The following ASPRV1 variants were observed in gnomAD, a reference collection of about 807,000 sequenced individuals.
ASPRV1 encodes the protein retroviral-like aspartic protease 1.
A neutral mutation model predicts 11.0 loss-of-function variants in ASPRV1; 7 were observed. The ratio of observed to expected loss-of-function variants is 0.64; its 90% CI spans 0.36 to 1.20. The LOEUF is 1.20. Among genes scored for constraint, ASPRV1 ranks in the 50% most tolerant of loss-of-function variants. The pLI, the probability that ASPRV1 is intolerant of heterozygous loss-of-function variation, is 0.02. For synonymous variants in ASPRV1, 136 were observed against 138.4 expected, an observed-to-expected ratio of 0.98 and a Z score of 0.12; for missense variants, 299 against 320.0, an observed-to-expected ratio of 0.93 and a Z score of 0.50.
the ASPRV1 span, among the ~76,000 whole-genome samples, chr2:69,949,970 C>T: frequency 6.6e-6 from 1 of 152,060 alleles, no homozygotes; most frequent in Non-Finnish European, 1.5e-5. Flanking sequence ...CGTCTGCCAC[C>T]GTACCAAGCT....
At chr2:69,946,546 A>G in the ASPRV1 span, among the ~76,000 whole-genome samples, 8 of 152,232 alleles carry the variant, frequency 5.3e-5, no homozygotes, top group African/African-American at 1.9e-4. Flanking sequence ...TTCAGTACAT[A>G]TGAGCAATTA....
At chr2:70,009,352 T>C in the ASPRV1 span, among the ~76,000 whole-genome samples, 2 of 150,960 alleles carry the variant, frequency 1.3e-5, no homozygotes, top group African/African-American at 4.9e-5. Context: ...ATTTTAGAGA[T>C]GGAGTCTTGC....
At chr2:70,074,090 C>G in the ASPRV1 span, among the ~76,000 whole-genome samples, 1 of 136,212 alleles carries the variant, frequency 7.3e-6, no homozygotes, top group African/African-American at 2.8e-5. Flanking sequence ...GCCGAGATCT[C>G]GCCACTGCAC....
the ASPRV1 span, among the ~76,000 whole-genome samples, chr2:69,937,586 A>C: frequency 6.6e-6 from 1 of 152,118 alleles, no homozygotes; most frequent in Admixed American, 6.5e-5. Context: ...ACCCCAGAAG[A>C]GTTTGATTGG....
chr2:69,970,183 C>T, the ASPRV1 span, among the ~76,000 whole-genome samples: 3 of 152,136 alleles, frequency 2.0e-5, no homozygotes, highest in Non-Finnish European at 2.9e-5. Context: ...GAGTCTCTCT[C>T]CTGCCTCCAT....
chr2:70,084,737 T>C, the ASPRV1 span, among the ~76,000 whole-genome samples: 1 of 152,198 alleles, frequency 6.6e-6, no homozygotes. Flanking sequence ...TCTTAAATCA[T>C]AATGTAAAAT....
At chr2:70,076,250 G>A in the ASPRV1 span, among the ~76,000 whole-genome samples, 1 of 152,170 alleles carries the variant, frequency 6.6e-6, no homozygotes, top group African/African-American at 2.4e-5. Context: ...AACCTACTAA[G>A]GTGATGCAGC....
At chr2:69,954,517 A>T in the ASPRV1 span, among the ~76,000 whole-genome samples, 2 of 152,194 alleles carry the variant, frequency 1.3e-5, no homozygotes, top group Non-Finnish European at 2.9e-5. Context: ...TAGAGCTGAA[A>T]TAAAAGCAGC....
the ASPRV1 span, among the ~76,000 whole-genome samples, chr2:70,032,942 G>A: frequency 6.6e-6 from 1 of 152,080 alleles, no homozygotes; most frequent in Non-Finnish European, 1.5e-5. Flanking sequence ...AGCATACACA[G>A]AGCAGGATCT....
chr2:70,039,930 C>T, the ASPRV1 span, among the ~76,000 whole-genome samples: 36,867 of 152,088 alleles, frequency 0.24, 8,141 homozygotes, highest in African/African-American at 0.56. Flanking sequence ...CAAATGACGC[C>T]AGACAGTGAT....
the ASPRV1 span, among the ~76,000 whole-genome samples, chr2:70,062,550 G>A: frequency 6.6e-6 from 1 of 152,156 alleles, no homozygotes; most frequent in Non-Finnish European, 1.5e-5. Context: ...AATGAAGAAA[G>A]GCCCTTACTT....
chr2:69,937,221 C>G, the ASPRV1 span: 1 of 1,612,380 alleles, frequency 6.2e-7, no homozygotes, highest in Admixed American at 1.7e-5. Flanking sequence ...AACAACTACC[C>G]CTTTGACTTG....
At chr2:70,066,747 A>C in the ASPRV1 span, among the ~76,000 whole-genome samples, 1 of 151,950 alleles carries the variant, frequency 6.6e-6, no homozygotes, top group African/African-American at 2.4e-5. Flanking sequence ...ACAGATGTTC[A>C]CCAGCACCAC....
At chr2:69,942,888 A>ATG in the ASPRV1 span, 1 of 152,362 alleles carries the variant, frequency 6.6e-6, no homozygotes, top group South Asian at 2.1e-4. Context: ...TGCTGTGTAT[A>ATG]TGTAAACTGT....
chr2:70,055,286 C>A, the ASPRV1 span, among the ~76,000 whole-genome samples: 1 of 151,958 alleles, frequency 6.6e-6, no homozygotes, highest in African/African-American at 2.4e-5. Context: ...TGCCACTGGG[C>A]GACAGAGCAA....
At chr2:69,956,479 A>AAGAAGAAGAAGAAGAAG (rs1558579534), downstream of ASPRV1, among the ~76,000 whole-genome samples, 25 of 132,038 alleles carry the variant, frequency 1.9e-4, no homozygotes, top group African/African-American at 5.4e-4. Context: ...AGAAGAAGAA[A>AAGAAGAAGAAGAAGAAG]AGAGGAAGAA....
At chr2:70,061,963 CAAA>C in the ASPRV1 span, among the ~76,000 whole-genome samples, 7 of 107,196 alleles carry the variant, frequency 6.5e-5, no homozygotes, top group East Asian at 2.6e-4. Context: ...AACTCTGTCT[CAAA>C]AAAAAAAAAA....
the ASPRV1 span, among the ~76,000 whole-genome samples, chr2:69,949,092 A>C: frequency 6.6e-6 from 1 of 152,098 alleles, no homozygotes; most frequent in South Asian, 2.1e-4. Flanking sequence ...GCAGTGATGC[A>C]TTTCACTTTC....
chr2:69,998,591 C>T, the ASPRV1 span, among the ~76,000 whole-genome samples: 70 of 151,908 alleles, frequency 4.6e-4, no homozygotes, highest in African/African-American at 1.6e-3. Context: ...TAGCCGGGCA[C>T]GGTGGTGGGC....
Sources: gnomAD v4.1 joint callset for allele counts (sites outside exome capture counted in the v4.1 genomes callset) on GRCh38, gnomAD v4.1.1 for gene constraint, MANE v1.5 for transcripts, NCBI Gene and HGNC (gene_info 2026-07-23, HGNC 2026-07-21) for gene names.